GPR22: variants seen among roughly 807,000 people sequenced by gnomAD.
GPR22 encodes the protein G-protein coupled receptor 22.
GPR22 carries 13 observed loss-of-function variants against 31.0 expected under a neutral mutation model. The ratio of observed to expected loss-of-function variants is 0.42; its 90% CI spans 0.27 to 0.67. The LOEUF is 0.67. Among genes scored for constraint, GPR22 ranks in the 30% least tolerant of loss-of-function variants. GPR22 has a pLI of 0.25. For missense variants in GPR22, 368 were observed against 509.6 expected (o/e 0.72, Z 2.67); for synonymous variants, 191 against 173.4 (o/e 1.10, Z -0.80).
intron 2 of GPR22, chr7:107,473,013 CGTTT>C (rs1796730657): frequency 6.6e-6 from 1 of 151,472 alleles, no homozygotes; most frequent in African/African-American, 2.4e-5. Flanking sequence ...TTAGCAAAAG[CGTTT>C]GTATTTTTTT....
chr7:107,474,653 T>C lies in GPR22; in HGVS notation c.593T>C (p.Val198Ala), dbSNP rs1020876430. ...TGGGAAAACAAGACACTTTTATGTG[T>C]CAGTACAAATGAATACTACACTGAA... The part of the protein sequence containing the change: ...NTWENKTLLC[V>A]STNEYYTELG... The change falls in exon 3 of 3, where the codon GTC becomes GCC. Residue 198 changes from valine to alanine, a missense_variant. Val to Ala is a moderately conservative substitution (Grantham distance 64, BLOSUM62 0). Coordinates refer to ENST00000304402, the MANE Select transcript of GPR22 (RefSeq NM_005295.3). The surrounding 1 kb of genome is among the most constrained non-coding windows in gnomAD (Gnocchi z 5.7). 3.7e-6 allele frequency: 6 copies of C among 1,609,756 alleles called. No individual in the cohort carries two copies. The highest frequency in any genetic ancestry group is 4.2e-6 in the Non-Finnish European group (5 of 1,176,596).
chr7:107,476,105 A>G (rs577457702), downstream of GPR22, among the ~76,000 whole-genome samples: 1 of 148,042 alleles, frequency 6.8e-6, no homozygotes, highest in Admixed American at 6.9e-5. Flanking sequence ...AAGAATACTA[A>G]AACACCAGCC....
At chr7:107,476,205 A>AAAAAAAAAAAAAAAAAAAAAAAAAAAT (rs1796981548), downstream of GPR22, among the ~76,000 whole-genome samples, 1 of 148,780 alleles carries the variant, frequency 6.7e-6, no homozygotes. Context: ...AAAAAAAAAA[A>AAAAAAAAAAAAAAAAAAAAAAAAAAAT]AAGAACAGTA....
rs1368099733 is a variant in GPR22 at position 107,474,861 on chromosome 7, G to C, written c.801G>C (p.Glu267Asp). The C allele has an allele frequency of 6.2e-7, 1 of 1,613,150 alleles. No individual in the cohort carries two copies. Among genetic ancestry groups the C allele is most frequent in the Non-Finnish European group, 8.5e-7 (1 of 1,179,490 alleles). The change falls in exon 3 of 3, where the codon GAG becomes GAC. Residue 267 changes from glutamate (E) to aspartate (D), a missense_variant. Glu to Asp is a conservative substitution (Grantham distance 45). Coordinates refer to ENST00000304402, the MANE Select transcript of GPR22 (RefSeq NM_005295.3). This position sits in a 1 kb window ranked among gnomAD's most constrained non-coding sequence, Gnocchi z 5.7. The part of the protein sequence containing the change: ...KKTISLTTQH[E>D]ATDMSQSSGG... Reference sequence around the variant, plus strand: ...CAATTTCTCTAACCACACAACATGAGGCTACAGACATGTCACAAAGCAGTG... The same window carrying C: ...CAATTTCTCTAACCACACAACATGACGCTACAGACATGTCACAAAGCAGTG...
In GPR22 at chr7:107,474,502, G is replaced by A; in HGVS notation, c.442G>A (p.Ala148Thr). The A allele has an allele frequency of 6.2e-7, 1 of 1,613,060 alleles. No homozygotes were observed. The highest frequency in any genetic ancestry group is 8.5e-7 in the Non-Finnish European group (1 of 1,179,390). Residue 148 changes from alanine (A) to threonine (T), a missense_variant, in exon 3 of 3, where the codon GCA becomes ACA. Physicochemically the swap from Ala to Thr is moderately conservative, Grantham distance 58. Coordinates refer to ENST00000304402, the MANE Select transcript of GPR22 (RefSeq NM_005295.3). The surrounding 1 kb of genome is among the most constrained non-coding windows in gnomAD (Gnocchi z 5.7). ...CAGATATGACATCTCTGTAAAACCTGCAAACCGAATTCTGACAATGGGCAG... is the reference window on the plus strand; with the variant it reads ...CAGATATGACATCTCTGTAAAACCTACAAACCGAATTCTGACAATGGGCAG... ...LDRYDISVKP[A>T]NRILTMGRAV...
chr7:107,473,983 A>C (rs1172953210), intron 2 of GPR22, 52 bp from the exon 3 acceptor site: 1 of 700,878 alleles, frequency 1.4e-6, no homozygotes, highest in Non-Finnish European at 2.4e-6. Context: ...AACACGTTAT[A>C]CGTCATTTAA....
chr7:107,475,009 T>C lies in GPR22; in HGVS notation c.949T>C (p.Leu317=), dbSNP rs1584871628. The stretch of plus-strand genomic sequence containing the variant: ...AAAGAGAGTCTTCAGGATGTCTTTA[T>C]TGATTATTTCTACATTTCTTCTCTG... ...RQKRVFRMSL[L]IISTFLLCWT... The change falls in exon 3 of 3, where the codon TTG becomes CTG. Residue 317 remains leucine (L), a synonymous_variant. Transcript: ENST00000304402. 3.1e-6 allele frequency: 5 copies of C among 1,612,890 alleles called. No individual in the cohort carries two copies. In the East Asian group the frequency reaches 1.1e-4, roughly 36 times the overall value.
At position 107,474,877 on chromosome 7, in the gene GPR22, C is replaced by G; in HGVS notation, c.817C>G (p.Gln273Glu). 1 of 1,613,106 alleles carries G rather than the reference C, an allele frequency of 6.2e-7. No individual in the cohort carries two copies. Among genetic ancestry groups the G allele is most frequent in the Non-Finnish European group, 8.5e-7 (1 of 1,179,432 alleles). ...TTQHEATDMS[Q>E]SSGGRNVVFG... ...ACAACATGAGGCTACAGACATGTCA[C>G]AAAGCAGTGGTGGGAGAAATGTAGT... The change falls in exon 3 of 3, where the codon CAA becomes GAA. Residue 273 changes from glutamine to glutamate, a missense_variant. Gln to Glu is a conservative substitution (Grantham distance 29). Coordinates refer to ENST00000304402, the MANE Select transcript of GPR22 (RefSeq NM_005295.3). The surrounding 1 kb of genome is among the most constrained non-coding windows in gnomAD (Gnocchi z 5.7).
chr7:107,476,183 T>TAAAAAAAAAAAAAAAAAAA (rs1563056700), downstream of GPR22, among the ~76,000 whole-genome samples: 192 of 86,296 alleles, frequency 2.2e-3, 8 homozygotes, highest in Middle Eastern at 6.3e-3. Context: ...TGCAATGATT[T>TAAAAAAAAAAAAAAAAAAA]TAAAAAAAAA....
Position 107,475,522 on chromosome 7 carries a change from T to G in GPR22, c.*160T>G, listed in dbSNP as rs1244639257. ...ATTAGATAGGTCATATATATTCAAT[T>G]TCTTCATTACTTAATGTATTTGTTG... On this transcript the variant is annotated 3_prime_UTR_variant, in exon 3 of 3. Transcript: ENST00000304402. 2.0e-5 allele frequency: 10 copies of G among 503,400 alleles called. No homozygotes were observed. Among genetic ancestry groups the G allele is most frequent in the Non-Finnish European group, 3.6e-5 (10 of 280,266 alleles). The allele number at this position is 503,400 out of a possible 1,614,324, so 31.2% of individuals were successfully genotyped here. A position where few individuals can be genotyped will look rare whatever the true frequency, so the allele number is the denominator to read the frequency against.
At position 107,475,246 on chromosome 7, in the gene GPR22, C is replaced by T; in HGVS notation, c.1186C>T (p.Pro396Ser). 1 of 1,604,744 alleles carries T rather than the reference C, an allele frequency of 6.2e-7. No homozygotes were observed. The part of the protein sequence containing the change: ...VVSIVEADPL[P>S]NNAVIHNSWI... ...TTCTATAGTAGAAGCTGATCCCCTG[C>T]CTAATAATGCTGTAATACACAACTC... Residue 396 changes from proline to serine, a missense_variant, in exon 3 of 3, where the codon CCT (proline) becomes TCT (serine). Physicochemically the swap from Pro to Ser is moderately conservative, Grantham distance 74. Transcript: ENST00000304402.
chr7:107,475,024 T>C lies in GPR22; in HGVS notation c.964T>C (p.Phe322Leu). 6.2e-7 allele frequency: 1 copy of C among 1,613,056 alleles called. No homozygotes were observed. The highest frequency in any genetic ancestry group is 8.5e-7 in the Non-Finnish European group (1 of 1,179,320). ...GATGTCTTTATTGATTATTTCTACATTTCTTCTCTGCTGGACACCAATTTC... is the reference window on the plus strand; with the variant it reads ...GATGTCTTTATTGATTATTTCTACACTTCTTCTCTGCTGGACACCAATTTC... ...FRMSLLIIST[F>L]LLCWTPISVL... Residue 322 changes from phenylalanine to leucine, a missense_variant, in exon 3 of 3, where the codon TTT becomes CTT. Physicochemically the swap from Phe to Leu is conservative, Grantham distance 22. Coordinates refer to ENST00000304402, the MANE Select transcript of GPR22 (RefSeq NM_005295.3).
At chr7:107,476,183 T>TAA (rs1563056700), downstream of GPR22, among the ~76,000 whole-genome samples, 106 of 86,464 alleles carry the variant, frequency 1.2e-3, 2 homozygotes, top group African/African-American at 5.2e-3. Context: ...TGCAATGATT[T>TAA]TAAAAAAAAA....
intron 2 of GPR22, among the ~76,000 whole-genome samples, chr7:107,473,781 C>T (rs1264195508): frequency 6.6e-6 from 1 of 151,884 alleles, no homozygotes; most frequent in Non-Finnish European, 1.5e-5. Flanking sequence ...ATGAGAAAAG[C>T]CCTTTAGCAT....
At chr7:107,476,727 A>G (rs1797019678), downstream of GPR22, among the ~76,000 whole-genome samples, 1 of 151,782 alleles carries the variant, frequency 6.6e-6, no homozygotes. Context: ...GTAATTGGTC[A>G]GCTGAACAAC....
chr7:107,471,512 G>A lies in GPR22; in HGVS notation c.-817G>A, dbSNP rs951753252. ...AAGACATTAAGGAGTTAAAACCAGG[G>A]AATAGGTCTACATTACTGATGGAAT... On this transcript the variant is annotated 5_prime_UTR_variant, in exon 2 of 3. Coordinates refer to ENST00000304402, the MANE Select transcript of GPR22 (RefSeq NM_005295.3). The A allele has an allele frequency of 6.6e-6, 1 of 151,810 alleles. No homozygotes were observed. The highest frequency in any genetic ancestry group is 1.5e-5 in the Non-Finnish European group (1 of 67,900). The allele number at this position is 151,810 out of a possible 1,614,324, so 9.4% of individuals were successfully genotyped here. A position where few individuals can be genotyped will look rare whatever the true frequency, so the allele number is the denominator to read the frequency against.
In GPR22 at chr7:107,474,048, C is replaced by G; in HGVS notation, c.-13C>G. On this transcript the variant is annotated 5_prime_UTR_variant, in exon 3 of 3. Coordinates refer to ENST00000304402, the MANE Select transcript of GPR22 (RefSeq NM_005295.3). This position sits in a 1 kb window ranked among gnomAD's most constrained non-coding sequence, Gnocchi z 5.7. ...TTCACTTTCTAGGGAAAAAAACCAA[C>G]TGCTCCAAAAGAATGTGTTTTTCTC... 6.9e-7 allele frequency: 1 copy of G among 1,442,486 alleles called. No homozygotes were observed. Among genetic ancestry groups the G allele is most frequent in the Non-Finnish European group, 9.4e-7 (1 of 1,059,226 alleles). The allele number at this position is 1,442,486 out of a possible 1,614,324, so 89.4% of individuals were successfully genotyped here. A position where few individuals can be genotyped will look rare whatever the true frequency, so the allele number is the denominator to read the frequency against.
Position 107,475,011 on chromosome 7 carries a change from G to T in GPR22, c.951G>T (p.Leu317Phe). 1 of 1,612,768 alleles carries T rather than the reference G, an allele frequency of 6.2e-7. No homozygotes were observed. The highest frequency in any genetic ancestry group is 8.5e-7 in the Non-Finnish European group (1 of 1,179,198). Residue 317 changes from leucine to phenylalanine, a missense_variant, in exon 3 of 3, where the codon TTG becomes TTT. Leu to Phe is a conservative substitution (Grantham distance 22). Coordinates refer to ENST00000304402, the MANE Select transcript of GPR22 (RefSeq NM_005295.3). ...AGAGAGTCTTCAGGATGTCTTTATT[G>T]ATTATTTCTACATTTCTTCTCTGCT... ...RQKRVFRMSL[L>F]IISTFLLCWT...
At chr7:107,471,260 G>A (rs1225485254) in intron 1 of GPR22, 112 bp from the exon 2 acceptor site, 1 of 151,938 alleles carries the variant, frequency 6.6e-6, no homozygotes, top group Admixed American at 6.6e-5. Context: ...TAACAGTTTG[G>A]TTATTTTGAT....
Sources: gnomAD v4.1 joint callset for allele counts (sites outside exome capture counted in the v4.1 genomes callset) on GRCh38, gnomAD v4.1.1 for gene constraint, Gnocchi (gnomAD v3.1) non-coding constraint, MANE v1.5 for transcripts, NCBI Gene and HGNC (gene_info 2026-07-23, HGNC 2026-07-21) for gene names.